GSE1: variants seen among roughly 807,000 people sequenced by gnomAD.
The protein encoded by GSE1 is Gse1 coiled-coil protein.
Under a neutral mutation model 112.6 loss-of-function variants are expected in GSE1, and 32 were observed. The observed-to-expected ratio is 0.28, with a 90% CI of 0.21 to 0.38. The LOEUF (loss-of-function observed/expected upper bound fraction) is 0.38. GSE1 is among the 10% of genes least tolerant of loss of function. The pLI, the probability that GSE1 is intolerant of heterozygous loss-of-function variation, is 1.00. For missense variants in GSE1, 2,348 were observed against 1,699.2 expected (o/e 1.38, Z -6.71); for synonymous variants, 1,115 against 735.6 (o/e 1.52, Z -8.35).
intron 1 of GSE1, among the ~76,000 whole-genome samples, chr16:85,331,421 A>G (rs940856400): frequency 3.8e-4 from 41 of 108,792 alleles, no homozygotes; most frequent in African/African-American, 8.4e-4. Flanking sequence ...ATGCGTATAT[A>G]TGTATATATG....
chr16:85,281,213 C>T (rs1035518854), intron 1 of GSE1, among the ~76,000 whole-genome samples: 5 of 152,108 alleles, frequency 3.3e-5, no homozygotes, highest in South Asian at 2.1e-4. Flanking sequence ...GGAGGACATC[C>T]GAGGCCTGCA....
intron 2 of GSE1, among the ~76,000 whole-genome samples, chr16:85,642,380 G>A (rs1598522945): frequency 1.3e-5 from 2 of 152,320 alleles, no homozygotes; most frequent in Admixed American, 1.3e-4. Context: ...GACAGGAAGA[G>A]CCCCCAGGTT....
At chr16:85,287,548 C>G (rs1275759634) in intron 1 of GSE1, among the ~76,000 whole-genome samples, 1 of 152,148 alleles carries the variant, frequency 6.6e-6, no homozygotes, top group East Asian at 1.9e-4. Context: ...GCCTCAGGGC[C>G]TTTGTACCCG....
At chr16:85,316,424 G>T (rs1308269878) in intron 1 of GSE1, among the ~76,000 whole-genome samples, 2 of 152,214 alleles carry the variant, frequency 1.3e-5, no homozygotes, top group Admixed American at 1.3e-4. Context: ...GTGTGGCCCA[G>T]GTGGCCGTAA....
At chr16:85,280,890 C>T (rs2044838139) in intron 1 of GSE1, among the ~76,000 whole-genome samples, 1 of 152,156 alleles carries the variant, frequency 6.6e-6, no homozygotes, top group Non-Finnish European at 1.5e-5. Context: ...TCGGCGGTGA[C>T]AAGGAGAGGG....
In GSE1 at chr16:85,294,346, C is replaced by T. The variant is rs192578814; in HGVS notation, c.2284-63117C>T. Among the ~76,000 whole-genome samples the T allele has an allele frequency of 4.3e-3, 654 of 152,282 alleles. 2 individuals are homozygous for T. The highest frequency in any genetic ancestry group is 4.7e-3 in the Admixed American group (72 of 15,298). On this transcript the variant is annotated intron_variant, in intron 1 of 2. Coordinates refer to the GSE1 transcript ENST00000637419. ...TGGAACCTGTACCCTCTGGAGTCTGCGCTTAAAGTGTGAGGTTTACTCTGA... is the reference window on the plus strand; with the variant it reads ...TGGAACCTGTACCCTCTGGAGTCTGTGCTTAAAGTGTGAGGTTTACTCTGA...
At chr16:85,251,022 C>T (rs1906414281) in intron 1 of GSE1, among the ~76,000 whole-genome samples, 1 of 152,230 alleles carries the variant, frequency 6.6e-6, no homozygotes, top group Admixed American at 6.5e-5. Context: ...GAGTAATATT[C>T]CACTGTGTGG....
chr16:85,556,360 C>T (rs2045210106), exon 1 of GSE1: 28 of 984,602 alleles, frequency 2.8e-5, no homozygotes, highest in Non-Finnish European at 3.3e-5. Flanking sequence ...GTATTACTTA[C>T]CAGGTAAGCG....
chr16:85,670,370 T>G (rs1233065231), intron 14 of GSE1, among the ~76,000 whole-genome samples: 1 of 152,246 alleles, frequency 6.6e-6, no homozygotes, highest in Non-Finnish European at 1.5e-5. Context: ...CCGGAGTTTT[T>G]CATCCTTTGA....
intron 1 of GSE1, among the ~76,000 whole-genome samples, chr16:85,302,584 T>G (rs908398287): frequency 5.3e-5 from 8 of 152,230 alleles, no homozygotes; most frequent in Non-Finnish European, 8.8e-5. Flanking sequence ...AGCTCTGAAA[T>G]GCACGCATGC....
At chr16:85,363,193 TG>T (rs1022567802) in intron 2 of GSE1, among the ~76,000 whole-genome samples, 1 of 152,004 alleles carries the variant, frequency 6.6e-6, no homozygotes, top group Non-Finnish European at 1.5e-5. Flanking sequence ...GAGTTTGGGG[TG>T]GGGTTGCAGA....
intron 2 of GSE1, among the ~76,000 whole-genome samples, chr16:85,448,745 C>A (rs753507530): frequency 6.6e-6 from 1 of 152,234 alleles, no homozygotes; most frequent in African/African-American, 2.4e-5. Flanking sequence ...ACATCCCCGG[C>A]CCTGCAACCC....
At chr16:85,578,463 G>A (rs553460287) in intron 1 of GSE1, among the ~76,000 whole-genome samples, 151 of 152,124 alleles carry the variant, frequency 9.9e-4, no homozygotes, top group Admixed American at 1.8e-3. Context: ...CTTCTCCCCC[G>A]CCCCTCACAT....
At chr16:85,236,057 C>G (rs1182882901) in intron 1 of GSE1, among the ~76,000 whole-genome samples, 3 of 145,650 alleles carry the variant, frequency 2.1e-5, no homozygotes, top group African/African-American at 8.2e-5. Flanking sequence ...GGGCTGGTGC[C>G]GCCCCTCCCG....
At chr16:85,585,058 G>C (rs1022564401) in intron 1 of GSE1, among the ~76,000 whole-genome samples, 1 of 152,198 alleles carries the variant, frequency 6.6e-6, no homozygotes, top group Non-Finnish European at 1.5e-5. Context: ...TTTCACTGAC[G>C]GGAAAGAAAA....
chr16:85,579,905 T>C (rs1432592832), intron 1 of GSE1: 2 of 152,118 alleles, frequency 1.3e-5, no homozygotes, highest in Non-Finnish European at 2.9e-5. Context: ...TACACACTAG[T>C]CACTAAGGCC....
chr16:85,487,663 A>G (rs2050884892), intron 2 of GSE1, among the ~76,000 whole-genome samples: 1 of 149,886 alleles, frequency 6.7e-6, no homozygotes, highest in Non-Finnish European at 1.5e-5. Flanking sequence ...CCGCGATACA[A>G]CCTTGATGGC....
chr16:85,594,276 C>A (rs933190640), intron 1 of GSE1: 6 of 151,694 alleles, frequency 4.0e-5, no homozygotes, highest in African/African-American at 1.5e-4. Flanking sequence ...GGGTTGGAAC[C>A]GCCAGACCTC....
chr16:85,243,009 C>T (rs1002162738), intron 1 of GSE1, among the ~76,000 whole-genome samples: 1 of 152,096 alleles, frequency 6.6e-6, no homozygotes, highest in African/African-American at 2.4e-5. Context: ...GATGGGGTCT[C>T]GCTGTGTTGC....
Sources: gnomAD v4.1 joint callset for allele counts (sites outside exome capture counted in the v4.1 genomes callset) on GRCh38, gnomAD v4.1.1 for gene constraint, MANE v1.5 for transcripts, NCBI Gene and HGNC (gene_info 2026-07-23, HGNC 2026-07-21) for gene names.